ACTL6A: variants seen among roughly 807,000 people sequenced by gnomAD.
ACTL6A encodes the protein actin-like protein 6A.
Under a neutral mutation model 59.2 loss-of-function variants are expected in ACTL6A, and 5 were observed. The ratio of observed to expected loss-of-function variants is 0.08; its 90% CI spans 0.04 to 0.18. ACTL6A has a LOEUF of 0.18. Among genes scored for constraint, ACTL6A ranks in the 10% least tolerant of loss-of-function variants. ACTL6A has a pLI of 1.00. For synonymous variants in ACTL6A, 154 were observed against 171.8 expected (o/e 0.90, Z 0.81); for missense variants, 285 against 526.9 (o/e 0.54, Z 4.49).
At chr3:179,569,999 T>G in intron 2 of ACTL6A, 68 bp from the exon 3 acceptor site, 1 of 1,576,962 alleles carries the variant, frequency 6.3e-7, no homozygotes, top group Non-Finnish European at 8.6e-7. Context: ...ATAAAATACA[T>G]TAATTGGGGA....
At chr3:179,565,506 A>G (rs1407832335) in intron 1 of ACTL6A, among the ~76,000 whole-genome samples, 1 of 146,918 alleles carries the variant, frequency 6.8e-6, no homozygotes, top group Non-Finnish European at 1.5e-5. Flanking sequence ...TATGTCCTAT[A>G]TATACATATA....
chr3:179,576,960 A>G (rs754289965), intron 8 of ACTL6A, 47 bp downstream of exon 8: 24 of 1,515,860 alleles, frequency 1.6e-5, no homozygotes, highest in Non-Finnish European at 2.1e-5. Flanking sequence ...GGCTTTTTGC[A>G]TGAGTATTAA....
In ACTL6A at chr3:179,575,396, T is replaced by C. The variant is rs150148774; in HGVS notation, c.477-821T>C. On this transcript the variant is annotated intron_variant, in intron 5 of 13. Transcript: ENST00000429709. ...CCCTGGGACATCCTGAGCTTTTCTT[T>C]TTACAGCTTTATTCATCATCTACTT... 2.5e-4 allele frequency: 113 copies of C among 456,722 alleles called. 1 individual carries two copies. The East Asian group carries it at 7.6e-3, about 31-fold the overall frequency. 28.3% of individuals were successfully genotyped at this position (456,722 alleles called of 1,614,324 possible). A position where few individuals can be genotyped will look rare whatever the true frequency, so the allele number is the denominator to read the frequency against.
At chr3:179,583,732 C>G in intron 12 of ACTL6A, 1 of 237,012 alleles carries the variant, frequency 4.2e-6, no homozygotes, top group Non-Finnish European at 8.3e-6. Flanking sequence ...GTTAGACATG[C>G]AGAAAATGAT....
rs1339075898 is a variant in ACTL6A at position 179,562,932 on chromosome 3, G to C, written c.-161G>C. On this transcript the variant is annotated 5_prime_UTR_variant, in exon 1 of 14. Transcript: ENST00000429709. ...GCTGATAGGAGGAGCCAGCAAGTGT[G>C]GCTGAGCTCCGGGGTGTGTGGACGC... The C allele has an allele frequency of 4.6e-6, 4 of 863,524 alleles. No homozygotes were observed. The Admixed American group carries it at 6.0e-5, about 13-fold the overall frequency. The allele number at this position is 863,524 out of a possible 1,614,324, so 53.5% of individuals were successfully genotyped here.
intron 1 of ACTL6A, 147 bp from the exon 2 acceptor site, chr3:179,569,677 A>G: frequency 1.5e-6 from 1 of 681,524 alleles, no homozygotes; most frequent in Middle Eastern, 3.7e-4. Flanking sequence ...TCTACAAAAA[A>G]TTTAAGAAAT....
At chr3:179,586,890 T>A (rs572492627) in intron 13 of ACTL6A, among the ~76,000 whole-genome samples, 1 of 152,320 alleles carries the variant, frequency 6.6e-6, no homozygotes, top group South Asian at 2.1e-4. Context: ...TGCATGCCTT[T>A]TCTAATAATA....
intron 8 of ACTL6A, among the ~76,000 whole-genome samples, chr3:179,577,942 T>G (rs1044801693): frequency 1.3e-5 from 2 of 152,178 alleles, no homozygotes; most frequent in African/African-American, 4.8e-5. Flanking sequence ...AGTGGTGCAG[T>G]GTACATACAC....
At chr3:179,583,548 A>G (rs1231035758) in intron 12 of ACTL6A, 100 bp downstream of exon 12, 1 of 868,980 alleles carries the variant, frequency 1.2e-6, no homozygotes, top group East Asian at 2.5e-5. Flanking sequence ...TAGATACATG[A>G]TATTTTGTGT....
chr3:179,580,128 C>A, intron 8 of ACTL6A, among the ~76,000 whole-genome samples: 1 of 152,170 alleles, frequency 6.6e-6, no homozygotes, highest in South Asian at 2.1e-4. Flanking sequence ...ATGTAATATA[C>A]GAGGAAAAAT....
chr3:179,585,016 C>G (rs1457641082), intron 12 of ACTL6A, among the ~76,000 whole-genome samples: 2 of 152,134 alleles, frequency 1.3e-5, no homozygotes, highest in African/African-American at 4.8e-5. Flanking sequence ...TGACATCTGC[C>G]TTGTATTTTC....
At chr3:179,579,950 T>G in intron 8 of ACTL6A, among the ~76,000 whole-genome samples, 1 of 152,116 alleles carries the variant, frequency 6.6e-6, no homozygotes, top group East Asian at 1.9e-4. Flanking sequence ...AATTTTTTAT[T>G]TTTATAGAGA....
In ACTL6A at chr3:179,583,779, C is replaced by T. The variant is rs1718403221; in HGVS notation, c.1122+331C>T. ...GCTCAACAATTCAGTATGTCATGAA[C>T]GAGGTGCTGTTGGGAACACCAAGAA... On this transcript the variant is annotated intron_variant, in intron 12 of 13. Coordinates refer to ENST00000429709, the MANE Select transcript of ACTL6A (RefSeq NM_004301.5). 2.2e-5 allele frequency: 4 copies of T among 177,872 alleles called. No individual in the cohort carries two copies. The South Asian group carries it at 4.8e-4, about 21-fold the overall frequency. The allele number at this position is 177,872 out of a possible 1,614,324, so 11.0% of individuals were successfully genotyped here.
At chr3:179,576,141 T>C (rs1022017540) in intron 5 of ACTL6A, 76 bp from the exon 6 acceptor site, 10 of 1,038,776 alleles carry the variant, frequency 9.6e-6, no homozygotes, top group Non-Finnish European at 1.5e-5. Flanking sequence ...TCTGAAACAT[T>C]ATAAGAGCCT....
chr3:179,565,532 G>C (rs986712632), intron 1 of ACTL6A, among the ~76,000 whole-genome samples: 1 of 149,308 alleles, frequency 6.7e-6, no homozygotes, highest in South Asian at 2.1e-4. Context: ...TGCAAAGGTA[G>C]CTCAGAGAAT....
Position 179,583,402 on chromosome 3 carries a change from G to C in ACTL6A, c.1076G>C (p.Ser359Thr). Residue 359 changes from serine (S) to threonine (T), a missense_variant, in exon 12 of 14, where the codon AGT becomes ACT. Physicochemically the swap from Ser to Thr is moderately conservative, Grantham distance 58. Transcript: ENST00000429709. ...IVAGGNTLIQ[S>T]FTDRLNRELS... ...GCAGGAGGAAACACACTAATACAGA[G>C]TTTTACTGACAGGTTGAATAGAGAG... 2 of 1,613,552 alleles carry C rather than the reference G, an allele frequency of 1.2e-6. No homozygotes were observed. Among genetic ancestry groups the C allele is most frequent in the Non-Finnish European group, 1.7e-6 (2 of 1,179,744 alleles).
intron 12 of ACTL6A, 77 bp from the exon 13 acceptor site, chr3:179,586,467 GAA>G (rs1169987638): frequency 5.2e-3 from 3,851 of 746,890 alleles, no homozygotes; most frequent in Non-Finnish European, 5.9e-3. Context: ...GTCTCTATTT[GAA>G]AAAAAAAAAA....
chr3:179,572,677 C>T (rs1029175394), intron 3 of ACTL6A, among the ~76,000 whole-genome samples: 1 of 152,030 alleles, frequency 6.6e-6, no homozygotes, highest in African/African-American at 2.4e-5. Flanking sequence ...CGGTGGCGGG[C>T]ACCTGTAATC....
chr3:179,579,291 T>G (rs566325195), intron 8 of ACTL6A, among the ~76,000 whole-genome samples: 1 of 152,340 alleles, frequency 6.6e-6, no homozygotes, highest in Admixed American at 6.5e-5. Context: ...ATACATAGTT[T>G]GCAAATATTT....
Sources: allele counts gnomAD v4.1 joint callset (sites outside exome capture counted in the v4.1 genomes callset), GRCh38; gene constraint gnomAD v4.1.1; transcripts MANE v1.5; gene names NCBI Gene and HGNC (gene_info 2026-07-23, HGNC 2026-07-21).